Variants in JAKMIP2 observed in about 807,000 individuals in gnomAD.
JAKMIP2 encodes the protein janus kinase and microtubule-interacting protein 2.
Under a neutral mutation model 115.0 loss-of-function variants are expected in JAKMIP2, and 25 were observed. The ratio of observed to expected loss-of-function variants is 0.22; its 90% CI spans 0.16 to 0.30. JAKMIP2 has a LOEUF of 0.30. Ranked by LOEUF, JAKMIP2 falls within the 10% of genes least tolerant of loss-of-function variation. The pLI is 1.00. For missense variants in JAKMIP2, 642 were observed against 957.6 expected (o/e 0.67, Z 4.35); for synonymous variants, 334 against 343.6 (o/e 0.97, Z 0.31).
At chr5:147,703,244 T>C (rs1366567284) in intron 1 of JAKMIP2, among the ~76,000 whole-genome samples, 1 of 152,190 alleles carries the variant, frequency 6.6e-6, no homozygotes, top group African/African-American at 2.4e-5. Context: ...ACACCCAGGC[T>C]ATATGTTATA....
At chr5:147,657,329 C>A (rs963914045) in intron 3 of JAKMIP2, among the ~76,000 whole-genome samples, 1 of 152,156 alleles carries the variant, frequency 6.6e-6, no homozygotes. Flanking sequence ...GACTATTGGC[C>A]CCTACTCTCT....
chr5:147,662,989 A>G (rs1281423987), intron 2 of JAKMIP2, among the ~76,000 whole-genome samples: 1 of 150,128 alleles, frequency 6.7e-6, no homozygotes, highest in African/African-American at 2.5e-5. Context: ...CTGTCTCAAA[A>G]AAGAAGAAAA....
At position 147,661,194 on chromosome 5, in the gene JAKMIP2, G is replaced by T; in HGVS notation, c.381C>A (p.Asp127Glu). 6.2e-7 allele frequency: 1 copy of T among 1,614,028 alleles called. No homozygotes were observed. The highest frequency in any genetic ancestry group is 8.5e-7 in the Non-Finnish European group (1 of 1,180,020). Reference sequence around the variant, plus strand: ...CAATGGTGAGCGCTGTCCTTACTTTGTCACTGCTGCCGTCGCGGAGAGCAC... The same window carrying T: ...CAATGGTGAGCGCTGTCCTTACTTTTTCACTGCTGCCGTCGCGGAGAGCAC... ...ALCALRDGSS[D>E]KVRTALTIEA... Residue 127 changes from aspartate to glutamate, a missense_variant, in exon 3 of 22, where the codon GAC (aspartate) becomes GAA (glutamate). Asp to Glu is a conservative substitution (Grantham distance 45, BLOSUM62 2). This residue lies in a region of JAKMIP2 where 439 missense variants were observed against 570.9 expected (regional missense o/e 0.77). Transcript: ENST00000616793.
At chr5:147,668,871 C>A (rs1009890863) in intron 2 of JAKMIP2, among the ~76,000 whole-genome samples, 6 of 152,146 alleles carry the variant, frequency 3.9e-5, no homozygotes, top group African/African-American at 1.2e-4. Flanking sequence ...TGCTTATCAG[C>A]CCATGACAGA....
At chr5:147,686,472 C>T (rs1204784392) in intron 1 of JAKMIP2, among the ~76,000 whole-genome samples, 2 of 152,118 alleles carry the variant, frequency 1.3e-5, no homozygotes, top group African/African-American at 4.8e-5. Flanking sequence ...TTTTTCCCTT[C>T]AATGTCTCTA....
chr5:147,665,801 A>G (rs1393710236), intron 2 of JAKMIP2, among the ~76,000 whole-genome samples: 1 of 152,172 alleles, frequency 6.6e-6, no homozygotes, highest in Non-Finnish European at 1.5e-5. Flanking sequence ...ATAATAGGAG[A>G]TACTCCTTGA....
chr5:147,646,038 G>A (rs2126732347), intron 5 of JAKMIP2, among the ~76,000 whole-genome samples: 1 of 152,146 alleles, frequency 6.6e-6, no homozygotes, highest in South Asian at 2.1e-4. Flanking sequence ...GTATGTATTG[G>A]GAGAAGAGCA....
At chr5:147,767,900 C>G (rs531043108) in intron 1 of JAKMIP2, among the ~76,000 whole-genome samples, 1 of 152,146 alleles carries the variant, frequency 6.6e-6, no homozygotes, top group Non-Finnish European at 1.5e-5. Flanking sequence ...AAATTGAGCA[C>G]AGCAAACCAT....
intron 2 of JAKMIP2, among the ~76,000 whole-genome samples, chr5:147,669,928 A>G (rs1378183136): frequency 6.6e-6 from 1 of 152,214 alleles, no homozygotes; most frequent in Non-Finnish European, 1.5e-5. Flanking sequence ...CCCAGGTTAT[A>G]CCATTGCACA....
At chr5:147,715,371 G>C (rs914105183) in intron 1 of JAKMIP2, among the ~76,000 whole-genome samples, 1 of 151,344 alleles carries the variant, frequency 6.6e-6, no homozygotes, top group Non-Finnish European at 1.5e-5. Context: ...GGCATACCAG[G>C]AAAAAATAAC....
In JAKMIP2 at chr5:147,631,498, C is replaced by A; in HGVS notation, c.1790G>T (p.Arg597Leu). The A allele has an allele frequency of 6.2e-7, 1 of 1,606,036 alleles. No individual in the cohort carries two copies. Among genetic ancestry groups the A allele is most frequent in the Non-Finnish European group, 8.5e-7 (1 of 1,172,992 alleles). Residue 597 changes from arginine to leucine, a missense_variant, in exon 14 of 22, where the codon CGA (arginine) becomes CTA (leucine). Around this residue, in one of 6 missense-constraint regions of JAKMIP2, gnomAD observed 103 missense variants for 177.6 expected, o/e 0.58. Transcript: ENST00000616793. The part of the protein sequence containing the change: ...RNLELEERER[R>L]SPPFNLQIHP... The stretch of plus-strand genomic sequence containing the variant: ...AATTTGGAGATTAAATGGAGGGGAT[C>A]GTCTCTCTCTCTCCTTGAAACACAG...
At chr5:147,726,392 G>C (rs1440263893) in intron 1 of JAKMIP2, among the ~76,000 whole-genome samples, 1 of 152,206 alleles carries the variant, frequency 6.6e-6, no homozygotes, top group African/African-American at 2.4e-5. Flanking sequence ...GGCTGCCCAA[G>C]GAAAGGGAAC....
chr5:147,742,063 C>T (rs945934896), intron 1 of JAKMIP2, among the ~76,000 whole-genome samples: 21 of 150,040 alleles, frequency 1.4e-4, no homozygotes, highest in Non-Finnish European at 2.4e-4. Context: ...TATATAATAG[C>T]GTACTATTAT....
At position 147,764,926 on chromosome 5, in the gene JAKMIP2, G is replaced by A. The variant is rs865778628; in HGVS notation, c.-149+17530C>T. ...AGAAAGAAAGAAAGAAAGAAAGAGA[G>A]AGAGAGAGAGAGAGAGAGAGGGAGA... On this transcript the variant is annotated intron_variant, in intron 1 of 21. Coordinates refer to ENST00000616793, the MANE Select transcript of JAKMIP2 (RefSeq NM_001270941.2). 1.3e-3 allele frequency among the ~76,000 whole-genome samples: 109 copies of A among 86,286 alleles called. 2 individuals are homozygous for A. Among genetic ancestry groups the A allele is most frequent in the East Asian group, 6.7e-3 (11 of 1,638 alleles). 56.6% of individuals were successfully genotyped at this position (86,286 alleles called of 152,430 possible). A position where few individuals can be genotyped will look rare whatever the true frequency, so the allele number is the denominator to read the frequency against.
rs1419726119 is a variant in JAKMIP2 at position 147,767,936 on chromosome 5, GTTGTT to G, written c.-149+14515_-149+14519del. On this transcript the variant is annotated intron_variant, in intron 1 of 21. Coordinates refer to ENST00000616793, the MANE Select transcript of JAKMIP2 (RefSeq NM_001270941.2). ...TCAGTCTGCAAAGTGATCTGTTTGT[GTTGTT>G]TTGTTTGCTTTATTTTAAAAATCCA... Among the ~76,000 whole-genome samples the G allele has an allele frequency of 3.3e-5, 5 of 152,210 alleles. 1 individual carries two copies. The Middle Eastern group carries it at 0.014, about 414-fold the overall frequency.
Position 147,622,220 on chromosome 5 carries a change from T to C in JAKMIP2, c.2064+1401A>G, listed in dbSNP as rs74625303. Among the ~76,000 whole-genome samples, 985 of 152,356 alleles carry C rather than the reference T, an allele frequency of 6.5e-3. 52 individuals carry two copies. In the East Asian group the frequency reaches 0.13, roughly 20 times the overall value. On this transcript the variant is annotated intron_variant, in intron 17 of 21. Coordinates refer to ENST00000616793, the MANE Select transcript of JAKMIP2 (RefSeq NM_001270941.2). The stretch of plus-strand genomic sequence containing the variant: ...CTGTAAGTTAATAATAACCAATTTT[T>C]AGACTTGGTGAGTAAAAAGAAACTT...
chr5:147,756,627 A>C (rs1754754827), intron 1 of JAKMIP2, among the ~76,000 whole-genome samples: 2 of 152,130 alleles, frequency 1.3e-5, no homozygotes, highest in Non-Finnish European at 2.9e-5. Flanking sequence ...GTAAAGGGAG[A>C]ACAAACACTG....
chr5:147,782,289 C>G (rs900960700), intron 1 of JAKMIP2, among the ~76,000 whole-genome samples, 167 bp downstream of exon 1: 3 of 151,980 alleles, frequency 2.0e-5, no homozygotes, highest in African/African-American at 7.2e-5. Flanking sequence ...TCTCACTTCT[C>G]TCTTCCTGGC....
intron 1 of JAKMIP2, among the ~76,000 whole-genome samples, chr5:147,717,428 A>G (rs1201044690): frequency 4.3e-5 from 6 of 141,154 alleles, no homozygotes; most frequent in Admixed American, 3.6e-4. Flanking sequence ...TCTGTAAATT[A>G]CCTTGGGCAG....
Sources: gnomAD v4.1 joint callset for allele counts (sites outside exome capture counted in the v4.1 genomes callset) on GRCh38, gnomAD v4.1.1 for gene constraint, gnomAD v4.1.1 regional missense constraint, MANE v1.5 for transcripts, NCBI Gene and HGNC (gene_info 2026-07-23, HGNC 2026-07-21) for gene names.